Variants in LRRFIP1 observed in about 807,000 individuals in gnomAD.
The protein encoded by LRRFIP1 is LRR binding FLII interacting protein 1, also known as leucine-rich repeat flightless-interacting protein 1.
Under a neutral mutation model 104.4 loss-of-function variants are expected in LRRFIP1, and 62 were observed. The ratio of observed to expected loss-of-function variants is 0.59; its 90% CI spans 0.48 to 0.73. The LOEUF (loss-of-function observed/expected upper bound fraction) is 0.73. Among genes scored for constraint, LRRFIP1 ranks in the 30% least tolerant of loss-of-function variants. The pLI, the probability that LRRFIP1 is intolerant of heterozygous loss-of-function variation, is 0.00. For synonymous variants in LRRFIP1, 300 were observed against 299.0 expected (o/e 1.00, Z -0.03); for missense variants, 796 against 824.5 (o/e 0.97, Z 0.42).
intron 1 of LRRFIP1, among the ~76,000 whole-genome samples, chr2:237,675,714 AAAAGT>A (rs1193104662): frequency 6.6e-6 from 1 of 152,276 alleles, no homozygotes; most frequent in Non-Finnish European, 1.5e-5. Context: ...ACTGGAAAAG[AAAAGT>A]AAAGAAAAAA....
rs2094615509 is a variant in LRRFIP1, at chr2:237,723,647, C to T, written c.384+61C>T. ...AACTGTGTGGTGTGACCATAATAAC[C>T]TGTGGTATTTCCACGAATCTCATGG... On this transcript the variant is annotated intron_variant, in intron 7 of 23. Transcript: ENST00000308482. 3 of 1,590,414 alleles carry T rather than the reference C, an allele frequency of 1.9e-6. No individual in the cohort carries two copies. In the Admixed American group the frequency reaches 5.0e-5, roughly 27 times the overall value.
chr2:237,665,156 T>C (rs1461240224), intron 1 of LRRFIP1, among the ~76,000 whole-genome samples: 2 of 152,226 alleles, frequency 1.3e-5, no homozygotes, highest in East Asian at 3.8e-4. Context: ...CATTAACTTA[T>C]GTTTTTTAAA....
At chr2:237,739,109 G>C (rs554063704) in intron 10 of LRRFIP1, 123 bp from the exon 11 acceptor site, 1 of 739,222 alleles carries the variant, frequency 1.4e-6, no homozygotes, top group Admixed American at 2.4e-5. Flanking sequence ...TTTCCTTGCC[G>C]TGCGTGGCTA....
intron 1 of LRRFIP1, among the ~76,000 whole-genome samples, chr2:237,690,716 G>A (rs1420795487): frequency 7.0e-6 from 1 of 142,768 alleles, no homozygotes; most frequent in Non-Finnish European, 1.5e-5. Context: ...CAGCCTGGGC[G>A]ACAGAGCGAG....
At chr2:237,716,025 A>G (rs747246285) in intron 3 of LRRFIP1, among the ~76,000 whole-genome samples, 2 of 152,226 alleles carry the variant, frequency 1.3e-5, no homozygotes, top group South Asian at 2.1e-4. Flanking sequence ...TGCAGATATA[A>G]TGGGCAAAAA....
chr2:237,771,551 TCCCC>T (rs772060776), intron 20 of LRRFIP1, among the ~76,000 whole-genome samples: 6 of 50,014 alleles, frequency 1.2e-4, no homozygotes, highest in Admixed American at 7.1e-4. Flanking sequence ...CTGGAACCAA[TCCCC>T]CCCCCCCCCC....
intron 5 of LRRFIP1, among the ~76,000 whole-genome samples, chr2:237,720,287 G>T (rs944148308): frequency 1.3e-5 from 2 of 149,294 alleles, no homozygotes; most frequent in African/African-American, 2.5e-5. Flanking sequence ...TTGCTCTATT[G>T]CCCAGGCTGG....
chr2:237,663,845 G>C (rs1055235745), intron 1 of LRRFIP1, among the ~76,000 whole-genome samples: 1 of 152,162 alleles, frequency 6.6e-6, no homozygotes, highest in Non-Finnish European at 1.5e-5. Context: ...AAAGGTTCAC[G>C]TGCATTCGCC....
At chr2:237,666,622 C>T (rs74001236) in intron 1 of LRRFIP1, among the ~76,000 whole-genome samples, 16,735 of 151,534 alleles carry the variant, frequency 0.11, 1,019 homozygotes, top group African/African-American at 0.16. Context: ...TCGGTGGTGA[C>T]GGGTTGCAGG....
chr2:237,629,380 G>T (rs2082019896), intron 1 of LRRFIP1, among the ~76,000 whole-genome samples: 1 of 151,702 alleles, frequency 6.6e-6, no homozygotes, highest in African/African-American at 2.4e-5. Flanking sequence ...CGCAAGCCTT[G>T]TCTTGATGTC....
intron 19 of LRRFIP1, chr2:237,765,276 AAAACAC>A (rs1433364004): frequency 2.6e-4 from 42 of 160,912 alleles, no homozygotes; most frequent in African/African-American, 8.6e-4. Flanking sequence ...AAAAAAAAAA[AAAACAC>A]ACACACACAC....
At chr2:237,734,264 GT>G (rs2095149317) in intron 9 of LRRFIP1, among the ~76,000 whole-genome samples, 1 of 132,550 alleles carries the variant, frequency 7.5e-6, no homozygotes, top group African/African-American at 3.0e-5. Flanking sequence ...ATATTGTCTT[GT>G]TAATAACCTT....
chr2:237,679,835 T>C (rs1341793540), intron 1 of LRRFIP1, among the ~76,000 whole-genome samples: 2 of 152,162 alleles, frequency 1.3e-5, no homozygotes, highest in African/African-American at 2.4e-5. Flanking sequence ...CTCAAACTCC[T>C]GACCTCGGGT....
At chr2:237,778,918 A>G (rs1436563908) in intron 23 of LRRFIP1, among the ~76,000 whole-genome samples, 2 of 148,694 alleles carry the variant, frequency 1.3e-5, no homozygotes, top group East Asian at 2.0e-4. Context: ...CTTTGTCTCA[A>G]AAAAAAAAAC....
intron 4 of LRRFIP1, among the ~76,000 whole-genome samples, chr2:237,718,939 AAAG>A (rs763808269): frequency 2.6e-4 from 39 of 152,256 alleles, no homozygotes; most frequent in Non-Finnish European, 5.1e-4. Context: ...GAAAAAAAGA[AAAG>A]AAATATTTAA....
Position 237,717,867 on chromosome 2 carries a change from G to T in LRRFIP1, c.249+58G>T. 1 of 1,256,022 alleles carries T rather than the reference G, an allele frequency of 8.0e-7. No individual in the cohort carries two copies. Among genetic ancestry groups the T allele is most frequent in the South Asian group, 1.2e-5 (1 of 83,820 alleles). The allele number at this position is 1,256,022 out of a possible 1,614,324, so 77.8% of individuals were successfully genotyped here. On this transcript the variant is annotated intron_variant, in intron 4 of 23. Coordinates refer to ENST00000308482, the MANE Select transcript of LRRFIP1 (RefSeq NM_001137550.2). This position sits in a 1 kb window ranked among gnomAD's most constrained non-coding sequence, Gnocchi z 4.2. Reference sequence around the variant, plus strand: ...TCCCTCCCCACTTGAATACAGTGTTGAGACTTAAATGGTTTATAATGTAAT... The same window carrying T: ...TCCCTCCCCACTTGAATACAGTGTTTAGACTTAAATGGTTTATAATGTAAT...
chr2:237,666,751 C>CTTTCATTT (rs2089337842), intron 1 of LRRFIP1, among the ~76,000 whole-genome samples: 1 of 150,362 alleles, frequency 6.7e-6, no homozygotes, highest in Non-Finnish European at 1.5e-5. Context: ...TTCTTTCATT[C>CTTTCATTT]TTTCTCTTTC....
intron 23 of LRRFIP1, among the ~76,000 whole-genome samples, chr2:237,776,702 G>A (rs1043276370): frequency 2.6e-5 from 4 of 152,030 alleles, no homozygotes; most frequent in Admixed American, 2.0e-4. Context: ...GGGTATTCAC[G>A]TGGCCGCATC....
chr2:237,638,592 C>T (rs766077154), intron 1 of LRRFIP1, among the ~76,000 whole-genome samples: 1 of 152,216 alleles, frequency 6.6e-6, no homozygotes, highest in Non-Finnish European at 1.5e-5. Flanking sequence ...GGACTCTGTG[C>T]TCTGTGTCTG....
Sources: allele counts gnomAD v4.1 joint callset (sites outside exome capture counted in the v4.1 genomes callset), GRCh38; gene constraint gnomAD v4.1.1; non-coding constraint Gnocchi (gnomAD v3.1); transcripts MANE v1.5; gene names NCBI Gene and HGNC (gene_info 2026-07-23, HGNC 2026-07-21).